The following FAM53A variants were observed in gnomAD, a reference collection of about 807,000 sequenced individuals.
FAM53A encodes the protein family with sequence similarity 53 member A.
Under a neutral mutation model 26.6 loss-of-function variants are expected in FAM53A, and 28 were observed. The ratio of observed to expected loss-of-function variants is 1.05; its 90% CI spans 0.78 to 1.45. FAM53A has a LOEUF of 1.45. Ranked by LOEUF, FAM53A falls within the 40% of genes most tolerant of loss-of-function variation. FAM53A has a pLI of 0.00. For missense variants in FAM53A, 650 were observed against 575.8 expected (o/e 1.13, Z -1.32); for synonymous variants, 290 against 253.1 (o/e 1.15, Z -1.38).
At chr4:1,674,247 C>T (rs1714880605) in intron 1 of FAM53A, among the ~76,000 whole-genome samples, 1 of 152,206 alleles carries the variant, frequency 6.6e-6, no homozygotes. Flanking sequence ...CAATCTCTGC[C>T]TCTGTCACCA....
chr4:1,679,614 A>G (rs1345024033), intron 1 of FAM53A, among the ~76,000 whole-genome samples: 1 of 143,038 alleles, frequency 7.0e-6, no homozygotes, highest in Non-Finnish European at 1.5e-5. Context: ...TGAACCCAGG[A>G]GGCGGAGGTT....
chr4:1,667,928 G>T (rs140888474), intron 2 of FAM53A, among the ~76,000 whole-genome samples: 85 of 152,282 alleles, frequency 5.6e-4, no homozygotes, highest in African/African-American at 2.0e-3. Flanking sequence ...ATGACTGTAG[G>T]AAAATCAAGC....
At chr4:1,633,429 G>A (rs1715701085) in intron 1 of FAM53A, among the ~76,000 whole-genome samples, 2 of 152,184 alleles carry the variant, frequency 1.3e-5, no homozygotes, top group African/African-American at 4.8e-5. Flanking sequence ...GAAGCCAGAT[G>A]GAGGAGGAGT....
the FAM53A span, among the ~76,000 whole-genome samples, chr4:1,596,439 G>C: frequency 9.4e-6 from 1 of 106,192 alleles, no homozygotes; most frequent in East Asian, 3.0e-4. Context: ...TTGCCAAGCT[G>C]TGGCCAGTGT....
At position 1,640,725 on chromosome 4, in the gene FAM53A, C is replaced by T; in HGVS notation, c.*568G>A. On this transcript the variant is annotated 3_prime_UTR_variant, in exon 5 of 5. Transcript: ENST00000308132. ...GTGCAGGCGGCAGCCGTGGCCCCGA[C>T]CAACTCACAGGAAACCTACTCTGTG... is the stretch of plus-strand genomic sequence containing the variant. The T allele has an allele frequency of 2.8e-6, 1 of 354,210 alleles. No individual in the cohort carries two copies. Among genetic ancestry groups the T allele is most frequent in the Non-Finnish European group, 5.2e-6 (1 of 192,648 alleles). The allele number at this position is 354,210 out of a possible 1,614,324, so 21.9% of individuals were successfully genotyped here.
intron 1 of FAM53A, among the ~76,000 whole-genome samples, chr4:1,622,349 C>T (rs527508206): frequency 6.6e-6 from 1 of 152,202 alleles, no homozygotes; most frequent in South Asian, 2.1e-4. Flanking sequence ...GCAGCAGGAG[C>T]CCCCCGGCTG....
At chr4:1,657,738 C>T (rs992059990) in intron 2 of FAM53A, among the ~76,000 whole-genome samples, 2 of 152,144 alleles carry the variant, frequency 1.3e-5, no homozygotes, top group African/African-American at 2.4e-5. Context: ...CTCGGGTTCA[C>T]GCCATTCTCC....
chr4:1,610,217 C>G, the FAM53A span, among the ~76,000 whole-genome samples: 1 of 152,044 alleles, frequency 6.6e-6, no homozygotes, highest in Non-Finnish European at 1.5e-5. Flanking sequence ...TTCCCCAACC[C>G]CTCCCTACAC....
At chr4:1,660,802 T>C (rs949276201) in intron 2 of FAM53A, among the ~76,000 whole-genome samples, 2 of 150,260 alleles carry the variant, frequency 1.3e-5, no homozygotes, top group Admixed American at 1.3e-4. Context: ...GGCAGGAGAA[T>C]GGCGTGAGGC....
chr4:1,643,301 C>T (rs1232319537), intron 4 of FAM53A, among the ~76,000 whole-genome samples: 1 of 151,934 alleles, frequency 6.6e-6, no homozygotes. Flanking sequence ...CCCGTCTCTA[C>T]TAAAAATACA....
intron 1 of FAM53A, among the ~76,000 whole-genome samples, chr4:1,670,132 G>A (rs1714529272): frequency 6.6e-6 from 1 of 152,244 alleles, no homozygotes; most frequent in South Asian, 2.1e-4. Flanking sequence ...TGCTAGGAAG[G>A]CAGGCGGCAT....
At position 1,659,966 on chromosome 4, in the gene FAM53A, G is replaced by A. The variant is rs4865456; in HGVS notation, c.76-2498C>T. On this transcript the variant is annotated intron_variant, in intron 2 of 4. Transcript: ENST00000308132. The surrounding 1 kb of genome is among the most constrained non-coding windows in gnomAD (Gnocchi z 5.2). ...GTGAGGACTTCAACATATGGGTTTC[G>A]GGGAATGTGAACATGCAACCCTTAA... is the stretch of plus-strand genomic sequence containing the variant. 0.032 allele frequency among the ~76,000 whole-genome samples: 4,940 copies of A among 152,276 alleles called. 259 individuals carry two copies. Among genetic ancestry groups the A allele is most frequent in the African/African-American group, 0.11 (4,523 of 41,538 alleles).
the FAM53A span, among the ~76,000 whole-genome samples, chr4:1,609,169 A>G: frequency 6.6e-6 from 1 of 152,018 alleles, no homozygotes; most frequent in Admixed American, 6.5e-5. Context: ...CCCTCCCCTC[A>G]GGATGTGGCT....
At chr4:1,650,960 T>C (rs941296941) in intron 4 of FAM53A, among the ~76,000 whole-genome samples, 4 of 151,538 alleles carry the variant, frequency 2.6e-5, no homozygotes, top group African/African-American at 9.7e-5. Flanking sequence ...GGCTCACGCC[T>C]GTAATCCCAG....
At chr4:1,645,257 C>G (rs992238172) in intron 4 of FAM53A, among the ~76,000 whole-genome samples, 12 of 152,364 alleles carry the variant, frequency 7.9e-5, no homozygotes, top group African/African-American at 2.2e-4. Context: ...ATGGCACAGG[C>G]AGGGACAGAG....
the FAM53A span, among the ~76,000 whole-genome samples, chr4:1,591,076 TGGCC>T: frequency 6.7e-6 from 1 of 150,252 alleles, no homozygotes; most frequent in African/African-American, 2.4e-5. Flanking sequence ...TGTGATTTTT[TGGCC>T]TTATTTCTAT....
chr4:1,672,043 CT>C (rs111293482), intron 1 of FAM53A, among the ~76,000 whole-genome samples: 88,204 of 130,152 alleles, frequency 0.68, 27,428 homozygotes, highest in East Asian at 0.9. Context: ...ACCCATGAAC[CT>C]CAGAACCCAG....
At chr4:1,666,946 G>A (rs1267704051) in intron 2 of FAM53A, among the ~76,000 whole-genome samples, 1 of 152,196 alleles carries the variant, frequency 6.6e-6, no homozygotes, top group African/African-American at 2.4e-5. Context: ...TGACCAACAT[G>A]GTGAAACCCT....
chr4:1,652,227 A>G (rs1212340898), intron 4 of FAM53A, among the ~76,000 whole-genome samples: 1 of 125,150 alleles, frequency 8.0e-6, no homozygotes, highest in Non-Finnish European at 1.8e-5. Flanking sequence ...CACCACACAC[A>G]CTAGTCGCAC....
Sources: gnomAD v4.1 joint callset for allele counts (sites outside exome capture counted in the v4.1 genomes callset) on GRCh38, gnomAD v4.1.1 for gene constraint, Gnocchi (gnomAD v3.1) non-coding constraint, MANE v1.5 for transcripts, NCBI Gene and HGNC (gene_info 2026-07-23, HGNC 2026-07-21) for gene names.